CHD7: variants seen among roughly 807,000 people sequenced by gnomAD.
The protein encoded by CHD7 is ATP-dependent chromatin remodeler CHD7.
Under a neutral mutation model 307.3 loss-of-function variants are expected in CHD7, and 24 were observed. The ratio of observed to expected loss-of-function variants is 0.08; its 90% confidence interval spans 0.06 to 0.11. CHD7 has a LOEUF of 0.11. Among genes scored for constraint, CHD7 ranks in the 10% least tolerant of loss-of-function variants. The pLI is 1.00. For synonymous variants in CHD7, 1,363 were observed against 1,349.9 expected, an observed-to-expected ratio of 1.01 and a Z score of -0.21; for missense variants, 3,106 against 3,727.1, an observed-to-expected ratio of 0.83 and a Z score of 4.34.
rs760166848 is a variant in CHD7, at chr8:60,823,932, A to G, written c.3294A>G (p.Pro1098=). ...ATTGTCCTGAGCTGCGGAATATTCC[A>G]TGGCGCTGTGTAGTCATTGATGAAG... ...LTDCPELRNI[P]WRCVVIDEAH... The change falls in exon 13 of 38, where the codon CCA becomes CCG. Residue 1098 remains proline, a synonymous_variant. Transcript: ENST00000423902. 3.1e-6 allele frequency: 5 copies of G among 1,613,936 alleles called. No homozygotes were observed. The highest frequency in any genetic ancestry group is 2.7e-5 in the African/African-American group (2 of 75,050).
At chr8:60,687,740 A>G (rs1303692906) in intron 1 of CHD7, among the ~76,000 whole-genome samples, 1 of 152,238 alleles carries the variant, frequency 6.6e-6, no homozygotes, top group African/African-American at 2.4e-5. Flanking sequence ...GAGCAACTCT[A>G]GGTAATAGGT....
chr8:60,865,777 C>G lies in CHD7; in HGVS notation c.8838C>G (p.Pro2946=), dbSNP rs777026439. Residue 2946 remains proline, a synonymous_variant, in exon 38 of 38, where the codon CCC becomes CCG. Transcript: ENST00000423902. The surrounding 1 kb of genome is among the most constrained non-coding windows in gnomAD (Gnocchi z 4.3). ...CTGCTGACAAGGCTGAGGGAGGACC[C>G]TTTAAAGATGGAGAGACCCTTGAAG... The part of the protein sequence containing the change: ...EKAADKAEGG[P]FKDGETLEGS... 5.6e-6 allele frequency: 9 copies of G among 1,614,026 alleles called. No homozygotes were observed. Among genetic ancestry groups the G allele is most frequent in the Non-Finnish European group, 6.8e-6 (8 of 1,179,892 alleles).
chr8:60,733,559 G>A, intron 1 of CHD7, among the ~76,000 whole-genome samples: 1 of 152,168 alleles, frequency 6.6e-6, no homozygotes, highest in East Asian at 1.9e-4. Flanking sequence ...AGAGGTATTT[G>A]AATTTTGAAT....
chr8:60,693,737 G>C (rs1435908037), intron 1 of CHD7, among the ~76,000 whole-genome samples: 2 of 152,216 alleles, frequency 1.3e-5, no homozygotes, highest in Non-Finnish European at 2.9e-5. Flanking sequence ...AGGCACTGGC[G>C]GGACACCGTG....
At chr8:60,704,025 T>C (rs559317447) in intron 1 of CHD7, among the ~76,000 whole-genome samples, 1 of 152,136 alleles carries the variant, frequency 6.6e-6, no homozygotes, top group Admixed American at 6.5e-5. Context: ...CTCTGACTTA[T>C]GCCATCTTAG....
In CHD7 at chr8:60,865,004, C is replaced by G. The variant is rs558533630; in HGVS notation, c.8077-12C>G. ...GCCTTTATAGCCACTGTTTGCCTCC[C>G]CTGTACTCCAGGGTTTTGTTCCTGA... On this transcript the variant is annotated splice_polypyrimidine_tract_variant and intron_variant, in intron 37 of 37. Coordinates refer to ENST00000423902, the MANE Select transcript of CHD7 (RefSeq NM_017780.4). This position sits in a 1 kb window ranked among gnomAD's most constrained non-coding sequence, Gnocchi z 4.3. 6.3e-7 allele frequency: 1 copy of G among 1,577,516 alleles called. No homozygotes were observed. The highest frequency in any genetic ancestry group is 1.8e-5 in the Admixed American group (1 of 55,098).
At chr8:60,861,245 C>T in intron 35 of CHD7, 120 bp downstream of exon 35, 1 of 728,546 alleles carries the variant, frequency 1.4e-6, no homozygotes, top group African/African-American at 1.8e-5. Flanking sequence ...GTTTCCTGGT[C>T]TCAAACATTT....
At chr8:60,830,937 T>G (rs750539159) in intron 15 of CHD7, among the ~76,000 whole-genome samples, 3 of 152,142 alleles carry the variant, frequency 2.0e-5, no homozygotes, top group Admixed American at 6.5e-5. Context: ...ATCAGAGATG[T>G]TAAAGAGGAA....
At chr8:60,860,017 A>AACCCAG (rs1175931976) in intron 34 of CHD7, among the ~76,000 whole-genome samples, 1 of 149,824 alleles carries the variant, frequency 6.7e-6, no homozygotes, top group Non-Finnish European at 1.5e-5. Flanking sequence ...CTGGGTGGGA[A>AACCCAG]GTGACAAAAG....
chr8:60,755,748 A>T (rs1809861460), intron 2 of CHD7, among the ~76,000 whole-genome samples: 1 of 152,192 alleles, frequency 6.6e-6, no homozygotes, highest in Admixed American at 6.5e-5. Flanking sequence ...GTTGCAATCC[A>T]GGCTGTCATG....
intron 1 of CHD7, among the ~76,000 whole-genome samples, chr8:60,709,697 G>C: frequency 6.6e-6 from 1 of 151,988 alleles, no homozygotes; most frequent in East Asian, 1.9e-4. Context: ...CTCAAAAAAG[G>C]GAAACTATTT....
chr8:60,716,648 T>C (rs1408754567), intron 1 of CHD7, among the ~76,000 whole-genome samples: 4 of 152,234 alleles, frequency 2.6e-5, no homozygotes, highest in African/African-American at 7.2e-5. Context: ...GGTTTTTCTC[T>C]CTTACTTTCC....
At chr8:60,831,530 C>T (rs1334009904) in intron 15 of CHD7, among the ~76,000 whole-genome samples, 1 of 151,980 alleles carries the variant, frequency 6.6e-6, no homozygotes, top group Non-Finnish European at 1.5e-5. Flanking sequence ...CCACTCTACT[C>T]TGCAGGCAGT....
At chr8:60,784,836 G>A in intron 3 of CHD7, among the ~76,000 whole-genome samples, 1 of 152,274 alleles carries the variant, frequency 6.6e-6, no homozygotes, top group South Asian at 2.1e-4. Context: ...AAAAAGACAT[G>A]TAAAACCTTG....
At position 60,823,109 on chromosome 8, in the gene CHD7, A is replaced by G. The variant is rs905927605; in HGVS notation, c.3201+363A>G. 5.3e-5 allele frequency among the ~76,000 whole-genome samples: 8 copies of G among 152,222 alleles called. No homozygotes were observed. In the South Asian group the frequency reaches 6.2e-4, roughly 12 times the overall value. ...AATAGAAAGAATATTTTATTATGCT[A>G]TTGCTAGAAGTGAAAAATAGTAAGC... On this transcript the variant is annotated intron_variant, in intron 12 of 37. Coordinates refer to ENST00000423902, the MANE Select transcript of CHD7 (RefSeq NM_017780.4).
intron 5 of CHD7, 36 bp downstream of exon 5, chr8:60,800,561 T>C (rs1280178435): frequency 2.6e-6 from 3 of 1,141,812 alleles, no homozygotes; most frequent in Non-Finnish European, 3.4e-6. Context: ...TGGATGCATT[T>C]TAAAGATGGA....
At chr8:60,773,699 C>A (rs1810818204) in intron 2 of CHD7, among the ~76,000 whole-genome samples, 4 of 152,130 alleles carry the variant, frequency 2.6e-5, no homozygotes, top group Admixed American at 2.6e-4. Flanking sequence ...AAGGAGCGGG[C>A]TAATTTTTTT....
chr8:60,684,363 C>G (rs967885066), intron 1 of CHD7, among the ~76,000 whole-genome samples: 2 of 152,070 alleles, frequency 1.3e-5, no homozygotes, highest in Admixed American at 1.3e-4. Context: ...CTCATTGATT[C>G]GGCTGTTTGT....
At chr8:60,713,330 C>T (rs1807383936) in intron 1 of CHD7, among the ~76,000 whole-genome samples, 1 of 151,924 alleles carries the variant, frequency 6.6e-6, no homozygotes, top group African/African-American at 2.4e-5. Context: ...CCAGGCTGTT[C>T]TCGACTCCTT....
Sources: allele counts gnomAD v4.1 joint callset (sites outside exome capture counted in the v4.1 genomes callset), GRCh38; gene constraint gnomAD v4.1.1; non-coding constraint Gnocchi (gnomAD v3.1); transcripts MANE v1.5; gene names NCBI Gene and HGNC (gene_info 2026-07-23, HGNC 2026-07-21).